Variants in RAD51B observed in about 807,000 individuals in gnomAD.
RAD51B encodes DNA repair protein RAD51 homolog 2.
Under a neutral mutation model 42.2 loss-of-function variants are expected in RAD51B, and 38 were observed. That is an observed-to-expected ratio of 0.90 (90% CI 0.70 to 1.18). RAD51B has a LOEUF of 1.18. RAD51B is among the 50% of genes most tolerant of loss of function. The pLI, the probability that RAD51B is intolerant of heterozygous loss-of-function variation, is 0.00. For synonymous variants in RAD51B, 154 were observed against 145.2 expected (o/e 1.06, Z -0.43); for missense variants, 373 against 400.7 (o/e 0.93, Z 0.59).
chr14:68,491,663 C>A (rs1164947720), intron 10 of RAD51B, among the ~76,000 whole-genome samples: 1 of 152,208 alleles, frequency 6.6e-6, no homozygotes, highest in Non-Finnish European at 1.5e-5. Context: ...CCTTCCAGCT[C>A]TGGGCCCTCA....
chr14:68,367,539 A>G (rs2083167661), intron 8 of RAD51B, among the ~76,000 whole-genome samples: 1 of 152,260 alleles, frequency 6.6e-6, no homozygotes, highest in Non-Finnish European at 1.5e-5. Context: ...AGGCAGGTTC[A>G]TGAGGATTGA....
chr14:68,184,207 C>T (rs987316150), intron 7 of RAD51B, among the ~76,000 whole-genome samples: 1 of 151,878 alleles, frequency 6.6e-6, no homozygotes, highest in Admixed American at 6.6e-5. Flanking sequence ...CACTTGAACC[C>T]AAGAGTGCAA....
chr14:68,629,822 T>C (rs1358849499), intron 10 of RAD51B, among the ~76,000 whole-genome samples: 1 of 152,260 alleles, frequency 6.6e-6, no homozygotes, highest in Non-Finnish European at 1.5e-5. Flanking sequence ...CACATATTGT[T>C]ACATTTCACC....
chr14:68,121,676 A>G (rs189759362), intron 7 of RAD51B, among the ~76,000 whole-genome samples: 2 of 152,200 alleles, frequency 1.3e-5, no homozygotes, highest in African/African-American at 4.8e-5. Flanking sequence ...AATAAAAAAA[A>G]CTAGAAAGGA....
At chr14:68,643,172 C>A (rs889056836) in intron 10 of RAD51B, among the ~76,000 whole-genome samples, 1 of 147,552 alleles carries the variant, frequency 6.8e-6, no homozygotes, top group African/African-American at 2.5e-5. Context: ...TTTTGCCTCA[C>A]ACATTTGGAC....
chr14:68,366,627 G>A (rs1293384976), intron 8 of RAD51B, among the ~76,000 whole-genome samples: 1 of 152,244 alleles, frequency 6.6e-6, no homozygotes, highest in Non-Finnish European at 1.5e-5. Context: ...CAGATGCACA[G>A]AAGAAAGTTC....
intron 9 of RAD51B, among the ~76,000 whole-genome samples, chr14:68,412,156 T>A (rs967875541): frequency 3.3e-5 from 5 of 152,226 alleles, no homozygotes; most frequent in African/African-American, 1.2e-4. Flanking sequence ...GTCTTCATTC[T>A]TCATTCCAAA....
At chr14:68,590,850 G>A (rs1177733494) in intron 10 of RAD51B, among the ~76,000 whole-genome samples, 3 of 152,288 alleles carry the variant, frequency 2.0e-5, no homozygotes, top group African/African-American at 7.2e-5. Flanking sequence ...CATGGGTGGC[G>A]GGGCAGAGTG....
chr14:67,857,644 C>T (rs918996394), intron 4 of RAD51B, among the ~76,000 whole-genome samples: 5 of 152,138 alleles, frequency 3.3e-5, no homozygotes, highest in African/African-American at 9.7e-5. Context: ...AGAACATATC[C>T]AAAACTTGGC....
At chr14:68,648,132 C>CGT (rs1566963616) in intron 10 of RAD51B, among the ~76,000 whole-genome samples, 28 of 96,730 alleles carry the variant, frequency 2.9e-4, no homozygotes, top group Admixed American at 6.1e-4. Context: ...TATACACACA[C>CGT]GTATATATAT....
intron 10 of RAD51B, among the ~76,000 whole-genome samples, chr14:68,472,620 T>C (rs2086154023): frequency 6.6e-6 from 1 of 152,192 alleles, no homozygotes; most frequent in Admixed American, 6.5e-5. Context: ...CAGAAGTGTG[T>C]TTTTTATATC....
rs184806242 is a variant in RAD51B at position 68,578,147 on chromosome 14, T to C, written c.1037-16338T>C. ...AAGCAAAGATAAAGAACGTAATGGC[T>C]GGGCGCGGTGGCTCATGCCTGTAAT... On this transcript the variant is annotated intron_variant, in intron 10 of 10. Transcript: ENST00000487270. Among the ~76,000 whole-genome samples the C allele has an allele frequency of 3.3e-3, 497 of 152,320 alleles. 3 individuals are homozygous for C. Among genetic ancestry groups the C allele is most frequent in the Admixed American group, 6.5e-3 (100 of 15,308 alleles).
intron 7 of RAD51B, among the ~76,000 whole-genome samples, chr14:68,218,408 G>A (rs1465257404): frequency 1.3e-5 from 2 of 152,202 alleles, no homozygotes; most frequent in Non-Finnish European, 2.9e-5. Flanking sequence ...TTGGCAGTTG[G>A]CAGTACATTT....
At chr14:68,386,703 A>T (rs969014485) in intron 8 of RAD51B, among the ~76,000 whole-genome samples, 2 of 152,138 alleles carry the variant, frequency 1.3e-5, no homozygotes, top group African/African-American at 4.8e-5. Context: ...TCTGAAAGCC[A>T]AGCAAGAACT....
chr14:68,092,627 C>A (rs2077120910), intron 7 of RAD51B, among the ~76,000 whole-genome samples: 1 of 152,286 alleles, frequency 6.6e-6, no homozygotes, highest in South Asian at 2.1e-4. Flanking sequence ...TCTAGATATA[C>A]AATCATGTCA....
intron 7 of RAD51B, among the ~76,000 whole-genome samples, chr14:67,983,041 G>A (rs2075124017): frequency 6.6e-6 from 1 of 152,164 alleles, no homozygotes; most frequent in Non-Finnish European, 1.5e-5. Flanking sequence ...TAGCCTGGGT[G>A]ACGGAGGGAG....
chr14:68,357,179 G>T (rs2082927599), intron 8 of RAD51B, among the ~76,000 whole-genome samples: 1 of 152,092 alleles, frequency 6.6e-6, no homozygotes, highest in Non-Finnish European at 1.5e-5. Context: ...TAAATCCCTT[G>T]TTGTCATTTC....
intron 7 of RAD51B, among the ~76,000 whole-genome samples, chr14:68,093,724 A>G (rs1374742810): frequency 6.6e-6 from 1 of 151,910 alleles, no homozygotes; most frequent in Non-Finnish European, 1.5e-5. Context: ...GATCTTAGTT[A>G]TTTCTTGCCT....
intron 7 of RAD51B, among the ~76,000 whole-genome samples, chr14:68,187,803 ATTTTAT>A (rs1185565723): frequency 6.6e-6 from 1 of 151,578 alleles, no homozygotes; most frequent in Non-Finnish European, 1.5e-5. Flanking sequence ...ACATATTTTT[ATTTTAT>A]TTGTTTATTT....
Sources: allele counts gnomAD v4.1 joint callset (sites outside exome capture counted in the v4.1 genomes callset), GRCh38; gene constraint gnomAD v4.1.1; transcripts MANE v1.5; gene names NCBI Gene and HGNC (gene_info 2026-07-23, HGNC 2026-07-21).